ATP2B2: variants seen among roughly 807,000 people sequenced by gnomAD.
The protein encoded by ATP2B2 is plasma membrane calcium-transporting ATPase 2.
Under a neutral mutation model 120.0 loss-of-function variants are expected in ATP2B2, and 15 were observed. That is an observed-to-expected ratio of 0.12 (90% CI 0.08 to 0.19). The LOEUF is 0.19. Ranked by LOEUF, ATP2B2 falls within the 10% of genes least tolerant of loss-of-function variation. The pLI, the probability that ATP2B2 is intolerant of heterozygous loss-of-function variation, is 1.00. For synonymous variants in ATP2B2, 694 were observed against 700.3 expected, an observed-to-expected ratio of 0.99 and a Z score of 0.14; for missense variants, 1,045 against 1,719.8, an observed-to-expected ratio of 0.61 and a Z score of 6.94.
intron 1 of ATP2B2, among the ~76,000 whole-genome samples, chr3:10,653,184 C>T (rs2070512849): frequency 6.6e-6 from 1 of 152,102 alleles, no homozygotes; most frequent in East Asian, 1.9e-4. Flanking sequence ...AAGGCAAGCC[C>T]CAGAGCAGCA....
At chr3:10,520,240 C>G (rs2066956695) in intron 3 of ATP2B2, among the ~76,000 whole-genome samples, 1 of 152,152 alleles carries the variant, frequency 6.6e-6, no homozygotes, top group African/African-American at 2.4e-5. Flanking sequence ...TTTAGGGAAG[C>G]CTGTAATTAG....
chr3:10,416,945 T>C (rs1269944666), intron 2 of ATP2B2, among the ~76,000 whole-genome samples: 5 of 125,524 alleles, frequency 4.0e-5, no homozygotes, highest in Non-Finnish European at 8.4e-5. Flanking sequence ...ACTTCCCAGA[T>C]GGTGGGTGGC....
chr3:10,379,266 T>A lies in ATP2B2; in HGVS notation c.1019A>T (p.Asn340Ile). 1 of 1,613,898 alleles carries A rather than the reference T, an allele frequency of 6.2e-7. No homozygotes were observed. ...ACCTTTGCTCTGGCTGGCGTCCACA[T>A]TGCCATCCTGCATTTTACCTACACG... Reference protein sequence around the residue: ...SLVNGKMQDGNVDASQSKAKQ... With the variant: ...SLVNGKMQDGIVDASQSKAKQ... The change falls in exon 9 of 23, where the codon AAT becomes ATT. Residue 340 changes from asparagine to isoleucine, a missense_variant. Coordinates refer to ENST00000360273, the MANE Select transcript of ATP2B2 (RefSeq NM_001001331.4).
intron 2 of ATP2B2, among the ~76,000 whole-genome samples, chr3:10,594,711 T>TATAATAATAATA (rs147616326): frequency 0.022 from 3,223 of 149,668 alleles, 48 homozygotes; most frequent in East Asian, 0.064. Flanking sequence ...GAACTTAAAG[T>TATAATAATAATA]ATAATAATAA....
At chr3:10,645,515 A>G (rs1188273901) in intron 1 of ATP2B2, among the ~76,000 whole-genome samples, 1 of 152,214 alleles carries the variant, frequency 6.6e-6, no homozygotes, top group Non-Finnish European at 1.5e-5. Flanking sequence ...GTGTGGACGC[A>G]CACAGATAAA....
intron 22 of ATP2B2, chr3:10,332,003 C>G: frequency 6.4e-7 from 1 of 1,550,490 alleles, no homozygotes; most frequent in Non-Finnish European, 8.7e-7. Context: ...TTCACTCTCT[C>G]TTGCTGAACT....
intron 5 of ATP2B2, among the ~76,000 whole-genome samples, chr3:10,394,958 C>T (rs574951159): frequency 1.3e-5 from 2 of 152,248 alleles, no homozygotes; most frequent in East Asian, 3.9e-4. Flanking sequence ...GAGGCAGGCT[C>T]CTGCATGGGG....
intron 2 of ATP2B2, among the ~76,000 whole-genome samples, chr3:10,587,259 C>T (rs1426184210): frequency 6.6e-6 from 1 of 151,638 alleles, no homozygotes; most frequent in Non-Finnish European, 1.5e-5. Context: ...GAGCCGTGAT[C>T]ATACCCCTGC....
At chr3:10,506,744 A>G (rs2066639940), upstream of ATP2B2, among the ~76,000 whole-genome samples, 1 of 152,066 alleles carries the variant, frequency 6.6e-6, no homozygotes, top group African/African-American at 2.4e-5. Flanking sequence ...TGCATGGGGG[A>G]CAGGGGCAGG....
At chr3:10,589,578 G>T (rs2125575086) in intron 2 of ATP2B2, among the ~76,000 whole-genome samples, 1 of 152,318 alleles carries the variant, frequency 6.6e-6, no homozygotes, top group Non-Finnish European at 1.5e-5. Context: ...CCAAACACAG[G>T]ACCAGCCCTT....
intron 2 of ATP2B2, among the ~76,000 whole-genome samples, chr3:10,556,290 A>T (rs1386669685): frequency 6.6e-6 from 1 of 152,190 alleles, no homozygotes; most frequent in Non-Finnish European, 1.5e-5. Context: ...ACTGCTCTCA[A>T]ATTTTTACTG....
chr3:10,600,774 C>A (rs547331429), intron 2 of ATP2B2, among the ~76,000 whole-genome samples: 13 of 152,332 alleles, frequency 8.5e-5, no homozygotes, highest in Non-Finnish European at 1.2e-4. Flanking sequence ...GATCACTCAC[C>A]TTGCTTCCCA....
intron 3 of ATP2B2, among the ~76,000 whole-genome samples, chr3:10,532,623 A>G (rs932765480): frequency 9.9e-5 from 15 of 152,242 alleles, no homozygotes; most frequent in African/African-American, 3.6e-4. Flanking sequence ...GGGTCATTTA[A>G]TATTCAAGAG....
At chr3:10,479,019 T>C (rs2065303770) in intron 1 of ATP2B2, among the ~76,000 whole-genome samples, 1 of 152,218 alleles carries the variant, frequency 6.6e-6, no homozygotes, top group South Asian at 2.1e-4. Context: ...GCTTCCCCTT[T>C]GCCTTCCACC....
At chr3:10,528,741 G>A (rs2067150272) in intron 3 of ATP2B2, among the ~76,000 whole-genome samples, 2 of 152,236 alleles carry the variant, frequency 1.3e-5, no homozygotes, top group Non-Finnish European at 2.9e-5. Context: ...CATCTATGCT[G>A]CAAACATATT....
At chr3:10,527,976 G>C (rs1369774795) in intron 3 of ATP2B2, among the ~76,000 whole-genome samples, 1 of 152,144 alleles carries the variant, frequency 6.6e-6, no homozygotes, top group Non-Finnish European at 1.5e-5. Context: ...GGAGGGGCAG[G>C]GGAGCAGGGC....
intron 2 of ATP2B2, among the ~76,000 whole-genome samples, chr3:10,424,505 A>G (rs752201417): frequency 2.6e-5 from 4 of 152,256 alleles, no homozygotes; most frequent in African/African-American, 4.8e-5. Context: ...CTTAGTCACC[A>G]GACTGGGTGT....
intron 6 of ATP2B2, 72 bp from the exon 7 acceptor site, chr3:10,386,584 C>A: frequency 6.7e-7 from 1 of 1,483,808 alleles, no homozygotes; most frequent in South Asian, 1.1e-5. Context: ...CGCACGCGCA[C>A]ACACACAAAC....
intron 5 of ATP2B2, among the ~76,000 whole-genome samples, chr3:10,389,751 T>C (rs560606868): frequency 1.4e-4 from 21 of 152,346 alleles, no homozygotes; most frequent in Admixed American, 2.6e-4. Flanking sequence ...GTTAAAATGG[T>C]AAATTCTATG....
Sources: allele counts gnomAD v4.1 joint callset (sites outside exome capture counted in the v4.1 genomes callset), GRCh38; gene constraint gnomAD v4.1.1; transcripts MANE v1.5; gene names NCBI Gene and HGNC (gene_info 2026-07-23, HGNC 2026-07-21).